The following SOS1 variants were observed in gnomAD, a reference collection of about 807,000 sequenced individuals.
The protein encoded by SOS1 is son of sevenless homolog 1.
Under a neutral mutation model 157.6 loss-of-function variants are expected in SOS1, and 25 were observed. That is an observed-to-expected ratio of 0.16 (90% CI 0.12 to 0.22). The LOEUF is 0.22. Ranked by LOEUF, SOS1 falls within the 10% of genes least tolerant of loss-of-function variation. SOS1 has a pLI of 1.00. For missense variants in SOS1, 1,237 were observed against 1,599.1 expected (o/e 0.77, Z 3.86); for synonymous variants, 528 against 534.0 (o/e 0.99, Z 0.16).
At chr2:39,064,213 C>A (rs1445228340) in intron 2 of SOS1, among the ~76,000 whole-genome samples, 1 of 152,142 alleles carries the variant, frequency 6.6e-6, no homozygotes, top group Non-Finnish European at 1.5e-5. Context: ...CTTAGAAGTA[C>A]ATATACACTG....
chr2:39,029,800 AG>A (rs1670094359), intron 8 of SOS1, among the ~76,000 whole-genome samples: 1 of 152,194 alleles, frequency 6.6e-6, no homozygotes, highest in East Asian at 1.9e-4. Flanking sequence ...TGTAGCTTTG[AG>A]CCGATGGTTT....
chr2:39,003,162 TTA>T (rs1669168610), intron 17 of SOS1, among the ~76,000 whole-genome samples: 2 of 151,656 alleles, frequency 1.3e-5, no homozygotes, highest in African/African-American at 4.9e-5. Flanking sequence ...CAGCAGATAA[TTA>T]GAGACCTTAT....
At position 39,045,273 on chromosome 2, in the gene SOS1, A is replaced by AGTGTGTGTGTGTGTGTGTGTGTGT. The variant is rs60673777; in HGVS notation, c.864+5847_864+5870dup. ...GAGAGAGAGAGAGAGAGAGAGAGAG[A>AGTGTGTGTGTGTGTGTGTGTGTGT]GTGTGTGTGTGTGTGTGTGTGTGTG... On this transcript the variant is annotated intron_variant, in intron 6 of 22. Transcript: ENST00000402219. Among the ~76,000 whole-genome samples, 6 of 108,048 alleles carry AGTGTGTGTGTGTGTGTGTGTGTGT rather than the reference A, an allele frequency of 5.6e-5. No individual in the cohort carries two copies. In the Admixed American group the frequency reaches 5.9e-4, roughly 11 times the overall value. The allele number at this position is 108,048 out of a possible 152,430, so 70.9% of individuals were successfully genotyped here.
intron 1 of SOS1, among the ~76,000 whole-genome samples, chr2:39,074,332 AGAGT>A (rs1258719068): frequency 6.8e-6 from 1 of 147,226 alleles, no homozygotes; most frequent in East Asian, 2.0e-4. Context: ...TCTGGGTGAC[AGAGT>A]GAGATTGCAT....
At chr2:39,078,562 CTCTG>C (rs1410990301) in intron 1 of SOS1, among the ~76,000 whole-genome samples, 3 of 152,122 alleles carry the variant, frequency 2.0e-5, no homozygotes, top group Non-Finnish European at 4.4e-5. Context: ...ACCACCTGAG[CTCTG>C]TCTGTCAGAT....
intron 6 of SOS1, among the ~76,000 whole-genome samples, chr2:39,046,768 G>A (rs769923520): frequency 1.1e-4 from 16 of 152,080 alleles, no homozygotes; most frequent in Non-Finnish European, 2.1e-4. Context: ...CTCCCAAAGT[G>A]CTGGGATTAC....
At chr2:39,059,320 T>C (rs949642795) in intron 2 of SOS1, among the ~76,000 whole-genome samples, 16 of 152,224 alleles carry the variant, frequency 1.1e-4, no homozygotes, top group South Asian at 4.1e-4. Flanking sequence ...TTTTAATACA[T>C]TGTAGTTTCT....
intron 5 of SOS1, among the ~76,000 whole-genome samples, chr2:39,053,460 C>T (rs139569853): frequency 2.0e-5 from 3 of 152,068 alleles, no homozygotes; most frequent in African/African-American, 7.2e-5. Flanking sequence ...TTAAAGCAAC[C>T]TTATTGAAAC....
intron 1 of SOS1, among the ~76,000 whole-genome samples, chr2:39,085,103 T>C (rs940326263): frequency 3.9e-5 from 6 of 152,176 alleles, no homozygotes; most frequent in Admixed American, 3.9e-4. Flanking sequence ...TGGACTGCAG[T>C]GTCGTGTTCA....
chr2:39,051,515 C>G (rs1190687376), intron 5 of SOS1, among the ~76,000 whole-genome samples: 1 of 152,114 alleles, frequency 6.6e-6, no homozygotes, highest in South Asian at 2.1e-4. Context: ...ACTTTCTGGT[C>G]TCAGGACTCC....
rs1224563962 is a variant in SOS1, at chr2:39,120,491, C to A, written c.-69G>T. On this transcript the variant is annotated 5_prime_UTR_variant, in exon 1 of 23. Transcript: ENST00000402219. ...GCCGGGCCAGGGAGCCGCGAGAGGG[C>A]GAGCTCGCAGCGCGGAACAGGGCCG... 5 of 1,398,626 alleles carry A rather than the reference C, an allele frequency of 3.6e-6. No homozygotes were observed. In the African/African-American group the frequency reaches 6.0e-5, roughly 17 times the overall value. 86.6% of individuals were successfully genotyped at this position (1,398,626 alleles called of 1,614,324 possible).
At chr2:39,070,183 C>A (rs1231771767) in intron 1 of SOS1, among the ~76,000 whole-genome samples, 1 of 152,098 alleles carries the variant, frequency 6.6e-6, no homozygotes, top group Non-Finnish European at 1.5e-5. Flanking sequence ...CTGGAACTTG[C>A]AAAAGTTTTC....
At chr2:39,007,559 T>G (rs1669320955) in intron 15 of SOS1, 1 of 189,970 alleles carries the variant, frequency 5.3e-6, no homozygotes, top group African/African-American at 2.4e-5. Context: ...TTGTGTTCTA[T>G]TCTTCATCTA....
chr2:39,012,176 G>A lies in SOS1; in HGVS notation c.2340C>T (p.His780=), dbSNP rs1434524474. 1.2e-5 allele frequency: 19 copies of A among 1,613,574 alleles called. No homozygotes were observed. The highest frequency in any genetic ancestry group is 1.5e-5 in the Non-Finnish European group (18 of 1,179,722). Residue 780 remains histidine (H), a synonymous_variant, in exon 14 of 23, where the codon CAC becomes CAT. Coordinates refer to ENST00000402219, the MANE Select transcript of SOS1 (RefSeq NM_005633.4). Reference sequence around the variant, plus strand: ...TGAGTTGTCGAGCAATTTCTATTGGGTGTAAGGTGAGCAGGTCAAAAGTCT... The same window carrying A: ...TGAGTTGTCGAGCAATTTCTATTGGATGTAAGGTGAGCAGGTCAAAAGTCT... ...HIETFDLLTL[H]PIEIARQLTL...
At position 39,120,375 on chromosome 2, in the gene SOS1, C is replaced by A; in HGVS notation, c.48G>T (p.Ala16=). 6.2e-7 allele frequency: 1 copy of A among 1,602,134 alleles called. No individual in the cohort carries two copies. Among genetic ancestry groups the A allele is most frequent in the Middle Eastern group, 1.8e-4 (1 of 5,494 alleles). The change falls in exon 1 of 23, where the codon GCG becomes GCT. Residue 16 remains alanine (A), a synonymous_variant. Coordinates refer to ENST00000402219, the MANE Select transcript of SOS1 (RefSeq NM_005633.4). ...GCACCAGTAGTCCCCGCCACTTGGGCGCGTTCTCTTCGCTGAAAAACTCGT... is the reference window on the plus strand; with the variant it reads ...GCACCAGTAGTCCCCGCCACTTGGGAGCGTTCTCTTCGCTGAAAAACTCGT... ...LPYEFFSEEN[A]PKWRGLLVPA... is the part of the protein sequence containing the mutation.
At position 38,985,872 on chromosome 2, in the gene SOS1, G is replaced by A. The variant is rs778897046; in HGVS notation, c.3954C>T (p.Ser1318=). Residue 1318 remains serine (S), a synonymous_variant, in exon 23 of 23, where the codon TCC becomes TCT. Coordinates refer to ENST00000402219, the MANE Select transcript of SOS1 (RefSeq NM_005633.4). ...ACAGTGGTGGTCCATCTCTGTGCAT[G>A]GATGGGTGTGTGTGCTCCCTTTTGT... ...KTYKREHTHP[S]MHRDGPPLLE... 3.1e-6 allele frequency: 5 copies of A among 1,613,820 alleles called. No individual in the cohort carries two copies. The highest frequency in any genetic ancestry group is 4.2e-6 in the Non-Finnish European group (5 of 1,179,788).
At chr2:39,028,573 G>T (rs1670050158) in intron 8 of SOS1, among the ~76,000 whole-genome samples, 1 of 152,138 alleles carries the variant, frequency 6.6e-6, no homozygotes, top group Non-Finnish European at 1.5e-5. Context: ...CTAACAGGCA[G>T]GTACTAGATC....
chr2:39,073,954 TTC>T (rs1455507049), intron 1 of SOS1, among the ~76,000 whole-genome samples: 3 of 152,210 alleles, frequency 2.0e-5, no homozygotes, highest in Admixed American at 6.5e-5. Context: ...TCAAATCTCT[TTC>T]TTAGTGTTAC....
At chr2:39,064,335 T>C (rs1223737059) in intron 2 of SOS1, among the ~76,000 whole-genome samples, 2 of 152,208 alleles carry the variant, frequency 1.3e-5, no homozygotes, top group South Asian at 4.1e-4. Context: ...TAACACCTCT[T>C]AATACCACCA....
Sources: allele counts gnomAD v4.1 joint callset (sites outside exome capture counted in the v4.1 genomes callset), GRCh38; gene constraint gnomAD v4.1.1; transcripts MANE v1.5; gene names NCBI Gene and HGNC (gene_info 2026-07-23, HGNC 2026-07-21).